PCCA: variants seen among roughly 807,000 people sequenced by gnomAD.
The protein encoded by PCCA is propionyl-CoA carboxylase subunit alpha.
Under a neutral mutation model 101.3 loss-of-function variants are expected in PCCA, and 74 were observed. The observed-to-expected ratio is 0.73, with a 90% CI of 0.61 to 0.89. PCCA has a LOEUF of 0.89. Ranked by LOEUF, PCCA falls within the 40% of genes least tolerant of loss-of-function variation. PCCA has a pLI of 0.00. For missense variants in PCCA, 891 were observed against 907.0 expected (o/e 0.98, Z 0.23); for synonymous variants, 294 against 313.6 (o/e 0.94, Z 0.66).
intron 20 of PCCA, among the ~76,000 whole-genome samples, chr13:100,442,285 CGCCTG>C (rs1299699477): frequency 1.3e-5 from 2 of 152,112 alleles, no homozygotes; most frequent in Non-Finnish European, 2.9e-5. Context: ...TGAGCCACCA[CGCCTG>C]GCCTGTCCTT....
intron 19 of PCCA, among the ~76,000 whole-genome samples, chr13:100,421,412 A>G (rs1245638072): frequency 6.6e-6 from 1 of 152,206 alleles, no homozygotes; most frequent in Admixed American, 6.5e-5. Flanking sequence ...CACACTGTAT[A>G]CACTATTCTG....
chr13:100,477,069 G>A (rs113227936), intron 21 of PCCA, among the ~76,000 whole-genome samples: 121 of 152,126 alleles, frequency 8.0e-4, no homozygotes, highest in African/African-American at 2.7e-3. Flanking sequence ...GTAATTTACC[G>A]GGTAATGACC....
chr13:100,414,206 G>A (rs1319791054), intron 19 of PCCA, among the ~76,000 whole-genome samples: 7 of 152,052 alleles, frequency 4.6e-5, no homozygotes, highest in Admixed American at 2.0e-4. Flanking sequence ...AATTCCTCTT[G>A]ATGTTTTTGT....
intron 8 of PCCA, among the ~76,000 whole-genome samples, chr13:100,254,362 A>G: frequency 6.6e-6 from 1 of 152,200 alleles, no homozygotes; most frequent in South Asian, 2.1e-4. Context: ...TTAAACAAAT[A>G]CAGTATAGAC....
intron 21 of PCCA, among the ~76,000 whole-genome samples, chr13:100,451,469 G>T (rs899555949): frequency 1.3e-5 from 2 of 152,128 alleles, no homozygotes; most frequent in African/African-American, 4.8e-5. Flanking sequence ...ACACAGAGCT[G>T]CATTACGTGG....
intron 1 of PCCA, among the ~76,000 whole-genome samples, chr13:100,095,441 T>G (rs1195639603): frequency 6.6e-6 from 1 of 152,230 alleles, no homozygotes; most frequent in Non-Finnish European, 1.5e-5. Context: ...GTAAGGAGAC[T>G]GTGCTCGTAT....
At chr13:100,270,988 A>G (rs969762458) in intron 11 of PCCA, among the ~76,000 whole-genome samples, 2 of 152,102 alleles carry the variant, frequency 1.3e-5, no homozygotes, top group African/African-American at 4.8e-5. Flanking sequence ...AGCCTGGGTG[A>G]CAGAGCAAGA....
intron 4 of PCCA, among the ~76,000 whole-genome samples, chr13:100,135,148 C>T (rs1002499618): frequency 6.6e-6 from 1 of 151,540 alleles, no homozygotes; most frequent in Admixed American, 6.6e-5. Context: ...AATCCTAGCA[C>T]TTTGGGAGGC....
intron 2 of PCCA, among the ~76,000 whole-genome samples, chr13:100,110,803 G>GTTTA (rs1594135920): frequency 1.3e-5 from 2 of 151,676 alleles, no homozygotes; most frequent in Non-Finnish European, 2.9e-5. Flanking sequence ...TGTTTTTTTT[G>GTTTA]TTTATTTATT....
At chr13:100,195,318 T>C (rs1315748370) in intron 6 of PCCA, among the ~76,000 whole-genome samples, 6 of 152,214 alleles carry the variant, frequency 3.9e-5, no homozygotes, top group Non-Finnish European at 8.8e-5. Flanking sequence ...TCGATATGTT[T>C]AATTAAAGCA....
intron 12 of PCCA, among the ~76,000 whole-genome samples, chr13:100,277,130 A>G (rs1056202717): frequency 6.6e-6 from 1 of 152,160 alleles, no homozygotes; most frequent in African/African-American, 2.4e-5. Context: ...GGGGATACAC[A>G]GCCCGGTTGC....
At chr13:100,225,792 C>A (rs1015387232) in intron 7 of PCCA, among the ~76,000 whole-genome samples, 2 of 149,896 alleles carry the variant, frequency 1.3e-5, no homozygotes, top group African/African-American at 2.5e-5. Context: ...TTTTAGAAAG[C>A]TTTTTTTTTT....
At chr13:100,126,604 GC>G (rs1352068188) in intron 4 of PCCA, among the ~76,000 whole-genome samples, 1 of 152,106 alleles carries the variant, frequency 6.6e-6, no homozygotes, top group Non-Finnish European at 1.5e-5. Flanking sequence ...CCCATTCTGT[GC>G]CCAGCATGGT....
intron 7 of PCCA, among the ~76,000 whole-genome samples, chr13:100,222,344 TG>T: frequency 6.6e-6 from 1 of 152,296 alleles, no homozygotes; most frequent in South Asian, 2.1e-4. Context: ...CCCAAAGTGT[TG>T]GGATTAGAGG....
intron 19 of PCCA, among the ~76,000 whole-genome samples, chr13:100,409,932 G>T (rs1446484519): frequency 6.6e-6 from 1 of 151,952 alleles, no homozygotes; most frequent in East Asian, 1.9e-4. Context: ...GCTAATTTTT[G>T]TATTTTTAGT....
In PCCA at chr13:100,374,960, G is replaced by A. The variant is rs1371843720; in HGVS notation, c.1746+6386G>A. Among the ~76,000 whole-genome samples, 6 of 152,094 alleles carry A rather than the reference G, an allele frequency of 3.9e-5. No homozygotes were observed. In the East Asian group the frequency reaches 1.2e-3, roughly 29 times the overall value. On this transcript the variant is annotated intron_variant, in intron 19 of 23. Transcript: ENST00000376285. ...TCTAGTTCTTTTAATTGTGATGTTA[G>A]GGTGTCGATTTTAGATCTTTCCTCC...
At chr13:100,156,040 C>T (rs2053849311) in intron 5 of PCCA, among the ~76,000 whole-genome samples, 1 of 152,102 alleles carries the variant, frequency 6.6e-6, no homozygotes, top group Non-Finnish European at 1.5e-5. Flanking sequence ...TCTTCTGTAC[C>T]ATGCTCATAA....
intron 11 of PCCA, among the ~76,000 whole-genome samples, chr13:100,272,630 T>C (rs899719384): frequency 6.6e-6 from 1 of 152,174 alleles, no homozygotes; most frequent in Non-Finnish European, 1.5e-5. Flanking sequence ...ATGCTTGTTA[T>C]AGTATGAGCA....
chr13:100,388,995 T>G (rs957826573), intron 19 of PCCA, among the ~76,000 whole-genome samples: 41 of 152,194 alleles, frequency 2.7e-4, no homozygotes, highest in Non-Finnish European at 4.0e-4. Context: ...AGCTGTTTAT[T>G]GAGTACCTTT....
Sources: allele counts gnomAD v4.1 joint callset (sites outside exome capture counted in the v4.1 genomes callset), GRCh38; gene constraint gnomAD v4.1.1; transcripts MANE v1.5; gene names NCBI Gene and HGNC (gene_info 2026-07-23, HGNC 2026-07-21).